Variants in SPTAN1 observed in about 807,000 individuals in gnomAD.
SPTAN1 encodes the protein spectrin alpha chain, non-erythrocytic 1.
SPTAN1 carries 61 observed loss-of-function variants against 331.3 expected under a neutral mutation model. The ratio of observed to expected loss-of-function variants is 0.18; its 90% confidence interval spans 0.15 to 0.23. The LOEUF (loss-of-function observed/expected upper bound fraction) is 0.23. SPTAN1 is among the 10% of genes least tolerant of loss of function. SPTAN1 has a pLI of 1.00. For missense variants in SPTAN1, 2,043 were observed against 3,147.9 expected, an observed-to-expected ratio of 0.65 and a Z score of 8.40; for synonymous variants, 1,153 against 1,173.9, an observed-to-expected ratio of 0.98 and a Z score of 0.36.
intron 1 of SPTAN1, among the ~76,000 whole-genome samples, chr9:128,562,737 G>A (rs1338125364): frequency 6.6e-6 from 1 of 151,918 alleles, no homozygotes; most frequent in Non-Finnish European, 1.5e-5. Context: ...GGCCAAGGTG[G>A]GCGGATCACG....
chr9:128,579,854 A>G (rs1851729363), intron 10 of SPTAN1, 116 bp downstream of exon 10: 1 of 879,618 alleles, frequency 1.1e-6, no homozygotes, highest in African/African-American at 1.7e-5. Flanking sequence ...TATGTGAGAA[A>G]CTTTCCTTTC....
At chr9:128,621,305 C>T (rs376560470) in intron 45 of SPTAN1, 49 bp downstream of exon 45, 17 of 1,525,990 alleles carry the variant, frequency 1.1e-5, no homozygotes, top group African/African-American at 8.2e-5. Flanking sequence ...GGGACACCCA[C>T]GTGTTGGTAC....
In SPTAN1 at chr9:128,629,265, T is replaced by C. The variant is rs1383156026; in HGVS notation, c.6708-1056T>C. 5.0e-6 allele frequency: 2 copies of C among 397,738 alleles called. No homozygotes were observed. The highest frequency in any genetic ancestry group is 4.4e-5 in the Admixed American group (1 of 22,672). The allele number at this position is 397,738 out of a possible 1,614,324, so 24.6% of individuals were successfully genotyped here. A position where few individuals can be genotyped will look rare whatever the true frequency, so the allele number is the denominator to read the frequency against. On this transcript the variant is annotated intron_variant, in intron 51 of 56. Coordinates refer to ENST00000372739, the MANE Select transcript of SPTAN1 (RefSeq NM_001130438.3). This position sits in a 1 kb window ranked among gnomAD's most constrained non-coding sequence, Gnocchi z 4.9. Reference sequence around the variant, plus strand: ...TTGACATCCCCAGGCGGCTCCACCCTGACTAACCTGCCGCCCTCGGCTGCT... The same window carrying C: ...TTGACATCCCCAGGCGGCTCCACCCCGACTAACCTGCCGCCCTCGGCTGCT...
At chr9:128,613,801 C>A (rs573848432) in intron 40 of SPTAN1, among the ~76,000 whole-genome samples, 1 of 151,906 alleles carries the variant, frequency 6.6e-6, no homozygotes, top group Admixed American at 6.6e-5. Context: ...GTCAGGAGTT[C>A]GAGACCACTC....
intron 27 of SPTAN1, among the ~76,000 whole-genome samples, chr9:128,602,277 C>T (rs969156398): frequency 3.4e-5 from 5 of 147,696 alleles, no homozygotes; most frequent in Admixed American, 6.9e-5. Flanking sequence ...AGTGCAGTAA[C>T]GTGATCTCAG....
intron 41 of SPTAN1, among the ~76,000 whole-genome samples, chr9:128,617,107 C>T (rs1199149699): frequency 2.0e-5 from 3 of 151,864 alleles, no homozygotes; most frequent in Non-Finnish European, 2.9e-5. Flanking sequence ...GGCATAGTGG[C>T]GCACACCTGT....
chr9:128,633,216 C>T lies in SPTAN1; in HGVS notation c.7316C>T (p.Thr2439Ile), dbSNP rs746532292. 1.8e-5 allele frequency: 29 copies of T among 1,613,890 alleles called. No individual in the cohort carries two copies. In the Middle Eastern group the frequency reaches 9.9e-4, roughly 55 times the overall value. The stretch of plus-strand genomic sequence containing the variant: ...CCATCTCTTACCCCACAGAACCTGA[C>T]CCGGGAACAAGCCGACTACTGCGTC... The part of the protein sequence containing the change: ...VTKEELYQNL[T>I]REQADYCVSH... Residue 2439 changes from threonine to isoleucine, a missense_variant, in exon 57 of 57, where the codon ACC becomes ATC. By Grantham distance (89) the Thr-to-Ile change is moderately conservative. Around this residue, in one of 12 missense-constraint regions of SPTAN1, gnomAD observed 88 missense variants for 96.5 expected, o/e 0.91. Coordinates refer to ENST00000372739, the MANE Select transcript of SPTAN1 (RefSeq NM_001130438.3).
At position 128,633,303 on chromosome 9, in the gene SPTAN1, T is replaced by C; in HGVS notation, c.7403T>C (p.Val2468Ala). 1 of 1,613,998 alleles carries C rather than the reference T, an allele frequency of 6.2e-7. No homozygotes were observed. The change falls in exon 57 of 57, where the codon GTG (valine) becomes GCG (alanine). Residue 2468 changes from valine (V) to alanine (A), a missense_variant. By Grantham distance (64) the Val-to-Ala change is moderately conservative. Transcript: ENST00000372739. Reference protein sequence around the residue: ...GRELPTAFDYVEFTRSLFVN With the variant: ...GRELPTAFDYAEFTRSLFVN ...GAGCTCCCCACCGCGTTCGACTACG[T>C]GGAGTTCACCCGCTCGCTTTTCGTG... is the stretch of plus-strand genomic sequence containing the variant.
chr9:128,580,926 C>G lies in SPTAN1; in HGVS notation c.1328C>G (p.Thr443Ser), dbSNP rs1362629631. 1 of 1,612,866 alleles carries G rather than the reference C, an allele frequency of 6.2e-7. No individual in the cohort carries two copies. The highest frequency in any genetic ancestry group is 8.5e-7 in the Non-Finnish European group (1 of 1,180,022). ...CATGTCTCCTATGCCCCCAAGCTGA[C>G]CGTCCTTTCCGAGGAGAGAGCGGCG... The part of the protein sequence containing the change: ...YASDEVREKL[T>S]VLSEERAALL... Residue 443 changes from threonine to serine, a missense_variant, in exon 11 of 57, where the codon ACC becomes AGC. By Grantham distance (58) the Thr-to-Ser change is moderately conservative (BLOSUM62 1). Coordinates refer to ENST00000372739, the MANE Select transcript of SPTAN1 (RefSeq NM_001130438.3).
In SPTAN1 at chr9:128,583,238, G is replaced by A. The variant is rs968327265; in HGVS notation, c.1968G>A (p.Val656=). The change falls in exon 15 of 57, where the codon GTG becomes GTA. Residue 656 remains valine (V), a synonymous_variant. Transcript: ENST00000372739. ...KDEVAARMNE[V]ISLWKKLLEA... ...AAGTGGCAGCTCGTATGAATGAGGTGATCAGTTTGTGGAAGAAACTGCTAG... is the reference window on the plus strand; with the variant it reads ...AAGTGGCAGCTCGTATGAATGAGGTAATCAGTTTGTGGAAGAAACTGCTAG... 9.3e-6 allele frequency: 15 copies of A among 1,613,832 alleles called. No homozygotes were observed. Among genetic ancestry groups the A allele is most frequent in the Admixed American group, 6.7e-5 (4 of 59,996 alleles).
rs777702782 is a variant in SPTAN1, at chr9:128,584,841, A to G, written c.2558A>G (p.Glu853Gly). 6.2e-7 allele frequency: 1 copy of G among 1,614,096 alleles called. No homozygotes were observed. Among genetic ancestry groups the G allele is most frequent in the Non-Finnish European group, 8.5e-7 (1 of 1,180,018 alleles). The change falls in exon 18 of 57, where the codon GAA becomes GGA. Residue 853 changes from glutamate (E) to glycine (G), a missense_variant and splice_region_variant. By Grantham distance (98) the Glu-to-Gly change is moderately conservative. Transcript: ENST00000372739. ...CAGAAGGGGAATGCCATGGTGGAGG[A>G]AGGTGAGTGATTGGTATCAGTGACA... is the stretch of plus-strand genomic sequence containing the variant. ...VTQKGNAMVEEGHFAAEDVKA... is the reference protein window; with the variant it reads ...VTQKGNAMVEGGHFAAEDVKA...
rs1236734490 is a variant in SPTAN1, at chr9:128,632,294, G to C, written c.6930G>C (p.Gln2310His). The change falls in exon 53 of 57, where the codon CAG becomes CAC. Residue 2310 changes from glutamine to histidine, a missense_variant. Physicochemically the swap from Gln to His is conservative, Grantham distance 24. Transcript: ENST00000372739. ...TGGACCAGCTGGGCATGCGCATGCA[G>C]CACAACCTGGAGCAGCAGATCCAGG... ...DQLDQLGMRMQHNLEQQIQAR... is the reference protein window; with the variant it reads ...DQLDQLGMRMHHNLEQQIQAR... 6.2e-7 allele frequency: 1 copy of C among 1,613,566 alleles called. No homozygotes were observed. The highest frequency in any genetic ancestry group is 1.7e-5 in the Admixed American group (1 of 60,022).
rs147223529 is a variant in SPTAN1 at position 128,632,820 on chromosome 9, C to G, written c.7173C>G (p.Val2391=). 5.6e-6 allele frequency: 9 copies of G among 1,614,128 alleles called. No homozygotes were observed. Among genetic ancestry groups the G allele is most frequent in the Non-Finnish European group, 8.5e-7 (1 of 1,180,048 alleles). ...DTVDPNRDGH[V]SLQEYMAFMI... is the part of the protein sequence containing the mutation. ...CCCCCGCTCCTAGAGATGGCCATGT[C>G]TCCTTGCAAGAATACATGGCTTTCA... The change falls in exon 56 of 57, where the codon GTC becomes GTG. Residue 2391 remains valine, a synonymous_variant. Transcript: ENST00000372739.
intron 1 of SPTAN1, among the ~76,000 whole-genome samples, chr9:128,565,447 T>C (rs1849910831): frequency 6.6e-6 from 1 of 152,234 alleles, no homozygotes. Flanking sequence ...TTTAAAGGAA[T>C]GGTGATATGA....
chr9:128,608,816 G>A lies in SPTAN1; in HGVS notation c.4492-58G>A, dbSNP rs1856229685. 5 of 1,544,924 alleles carry A rather than the reference G, an allele frequency of 3.2e-6. No homozygotes were observed. In the Admixed American group the frequency reaches 8.3e-5, roughly 26 times the overall value. ...AACTATCCTTTTCTCAAGACTGGCA[G>A]TCCAGGCAGGGCCCAGCCACAGGCC... On this transcript the variant is annotated intron_variant, in intron 34 of 56. Coordinates refer to ENST00000372739, the MANE Select transcript of SPTAN1 (RefSeq NM_001130438.3).
At chr9:128,562,372 A>T (rs1024979619) in intron 1 of SPTAN1, among the ~76,000 whole-genome samples, 6 of 152,054 alleles carry the variant, frequency 3.9e-5, no homozygotes, top group African/African-American at 1.4e-4. Context: ...AAGTGCTGGG[A>T]TTACAGGCGT....
At position 128,632,449 on chromosome 9, in the gene SPTAN1, T is replaced by G; in HGVS notation, c.6978T>G (p.Thr2326=). The G allele has an allele frequency of 6.2e-7, 1 of 1,614,128 alleles. No homozygotes were observed. Residue 2326 remains threonine, a synonymous_variant, in exon 54 of 57, where the codon ACT becomes ACG. Coordinates refer to ENST00000372739, the MANE Select transcript of SPTAN1 (RefSeq NM_001130438.3). ...CTTCCAGGAACACAACAGGTGTGAC[T>G]GAGGAGGCCCTCAAAGAATTCAGCA... is the stretch of plus-strand genomic sequence containing the variant. ...QIQARNTTGV[T]EEALKEFSMM...
chr9:128,626,785 C>G, intron 49 of SPTAN1, 98 bp downstream of exon 49: 1 of 999,708 alleles, frequency 1.0e-6, no homozygotes, highest in Non-Finnish European at 1.5e-6. Flanking sequence ...ACAAGACGAG[C>G]AGGATGGAGG....
In SPTAN1 at chr9:128,600,090, A is replaced by G. The variant is rs1854903643; in HGVS notation, c.3554A>G (p.Asp1185Gly). ...VYGMMPRDET[D>G]SKTASPWKSA... The stretch of plus-strand genomic sequence containing the variant: ...TCTTTCTTTGAATAGGATGAAACTG[A>G]TTCCAAGACAGCCTCCCCGTGGAAG... The change falls in exon 27 of 57, where the codon GAT (aspartate) becomes GGT (glycine). Residue 1185 changes from aspartate (D) to glycine (G), a missense_variant. This residue lies in a region of SPTAN1 where 1,038 missense variants were observed against 1,531.5 expected (regional missense o/e 0.68). Transcript: ENST00000372739. 4 of 1,614,096 alleles carry G rather than the reference A, an allele frequency of 2.5e-6. No homozygotes were observed. In the South Asian group the frequency reaches 4.4e-5, roughly 18 times the overall value.
Sources: gnomAD v4.1 joint callset for allele counts (sites outside exome capture counted in the v4.1 genomes callset) on GRCh38, gnomAD v4.1.1 for gene constraint, gnomAD v4.1.1 regional missense constraint, Gnocchi (gnomAD v3.1) non-coding constraint, MANE v1.5 for transcripts, NCBI Gene and HGNC (gene_info 2026-07-23, HGNC 2026-07-21) for gene names.